RANBP2: variants seen among roughly 807,000 people sequenced by gnomAD.
The protein encoded by RANBP2 is RAN binding protein 2, also known as E3 SUMO-protein ligase RanBP2.
A neutral mutation model predicts 303.6 loss-of-function variants in RANBP2; 57 were observed. The observed-to-expected ratio is 0.19, with a 90% confidence interval of 0.15 to 0.23. The LOEUF (loss-of-function observed/expected upper bound fraction) is 0.23. Among genes scored for constraint, RANBP2 ranks in the 10% least tolerant of loss-of-function variants. The pLI, the probability that RANBP2 is intolerant of heterozygous loss-of-function variation, is 1.00. For synonymous variants in RANBP2, 1,167 were observed against 1,301.5 expected, an observed-to-expected ratio of 0.90 and a Z score of 2.23; for missense variants, 3,138 against 3,780.8, an observed-to-expected ratio of 0.83 and a Z score of 4.46.
At chr2:109,265,897 G>A in the RANBP2 span, among the ~76,000 whole-genome samples, 1 of 152,218 alleles carries the variant, frequency 6.6e-6, no homozygotes, top group Non-Finnish European at 1.5e-5. Flanking sequence ...CACCAGCTGT[G>A]CCCAGTCTGA....
At chr2:109,293,917 T>G in the RANBP2 span, among the ~76,000 whole-genome samples, 1 of 152,200 alleles carries the variant, frequency 6.6e-6, no homozygotes, top group African/African-American at 2.4e-5. Flanking sequence ...GCCCTGACTC[T>G]TTACCAATGG....
the RANBP2 span, chr2:109,449,183 A>G: frequency 1.2e-6 from 2 of 1,613,590 alleles, no homozygotes; most frequent in South Asian, 1.1e-5. Context: ...CCCACTCTGC[A>G]GCCCAGGCTC....
chr2:109,558,485 G>C, the RANBP2 span, among the ~76,000 whole-genome samples: 2 of 152,136 alleles, frequency 1.3e-5, no homozygotes, highest in Non-Finnish European at 2.9e-5. Context: ...AGATTAGTTA[G>C]GTTAATCTTT....
chr2:109,574,792 TACA>T, the RANBP2 span: 8 of 1,515,704 alleles, frequency 5.3e-6, no homozygotes, highest in Non-Finnish European at 7.1e-6. Flanking sequence ...AAATGTTTAA[TACA>T]ACATTATTTG....
At chr2:108,950,052 G>A in the RANBP2 span, among the ~76,000 whole-genome samples, 3 of 152,204 alleles carry the variant, frequency 2.0e-5, no homozygotes, top group Non-Finnish European at 2.9e-5. Context: ...CCTGGGCATG[G>A]TGCCATGGGG....
chr2:109,582,075 G>GACACACACACAC, the RANBP2 span, among the ~76,000 whole-genome samples: 8 of 143,768 alleles, frequency 5.6e-5, no homozygotes, highest in African/African-American at 2.0e-4. Flanking sequence ...ATGTACAACA[G>GACACACACACAC]ACACACACAC....
At chr2:109,157,746 T>C in the RANBP2 span, among the ~76,000 whole-genome samples, 1 of 152,198 alleles carries the variant, frequency 6.6e-6, no homozygotes, top group African/African-American at 2.4e-5. Context: ...TACAAATTTC[T>C]TGATGTCATC....
At chr2:109,172,275 G>A in the RANBP2 span, among the ~76,000 whole-genome samples, 2 of 152,210 alleles carry the variant, frequency 1.3e-5, no homozygotes, top group Admixed American at 6.5e-5. Context: ...GGCAACAGCT[G>A]CGTGTGGCCT....
chr2:109,171,883 C>G, the RANBP2 span, among the ~76,000 whole-genome samples: 2,685 of 152,374 alleles, frequency 0.018, 74 homozygotes, highest in African/African-American at 0.06. Context: ...CACTTTGAAA[C>G]TCCCATTCTG....
rs778121827 is a variant in RANBP2, at chr2:108,783,829, G to T, written c.9603G>T (p.Lys3201Asn). The T allele has an allele frequency of 4.6e-5, 75 of 1,612,978 alleles. No individual in the cohort carries two copies. Among genetic ancestry groups the T allele is most frequent in the Non-Finnish European group, 6.4e-5 (75 of 1,179,142 alleles). The change falls in exon 29 of 29, where the codon AAG becomes AAT. Residue 3201 changes from lysine to asparagine, a missense_variant. This residue lies in a region of RANBP2 where 22 missense variants were observed against 48.8 expected (regional missense o/e 0.45). Coordinates refer to ENST00000283195, the MANE Select transcript of RANBP2 (RefSeq NM_006267.5). ...AGGATGGCATGGATACTGTGAAAAAGATTGAATCATTTGGTTCTCCCAAAG... is the reference window on the plus strand; with the variant it reads ...AGGATGGCATGGATACTGTGAAAAATATTGAATCATTTGGTTCTCCCAAAG... ...FVKDGMDTVKKIESFGSPKGS... is the reference protein window; with the variant it reads ...FVKDGMDTVKNIESFGSPKGS...
chr2:109,217,885 C>T, the RANBP2 span, among the ~76,000 whole-genome samples: 3 of 152,322 alleles, frequency 2.0e-5, no homozygotes, highest in East Asian at 3.9e-4. Flanking sequence ...CTGTTGTGGC[C>T]TGGCACAAGG....
At chr2:108,860,279 A>G in the RANBP2 span, among the ~76,000 whole-genome samples, 1 of 152,110 alleles carries the variant, frequency 6.6e-6, no homozygotes, top group Non-Finnish European at 1.5e-5. Context: ...ATAGAATCCT[A>G]TTGTCAGTGA....
the RANBP2 span, among the ~76,000 whole-genome samples, chr2:108,793,355 C>A: frequency 5.3e-5 from 8 of 151,662 alleles, no homozygotes; most frequent in Admixed American, 6.6e-5. Context: ...AAAACAACAA[C>A]AAAAAAACAC....
the RANBP2 span, among the ~76,000 whole-genome samples, chr2:109,203,606 C>A: frequency 6.6e-6 from 1 of 152,172 alleles, no homozygotes; most frequent in Non-Finnish European, 1.5e-5. Flanking sequence ...TCTCCACTTT[C>A]CCTTTGCACG....
the RANBP2 span, among the ~76,000 whole-genome samples, chr2:108,849,324 T>C: frequency 6.6e-6 from 1 of 152,320 alleles, no homozygotes; most frequent in Admixed American, 6.5e-5. Context: ...TTTTGAAATA[T>C]GGTGAAAACT....
chr2:108,940,706 C>T, the RANBP2 span, among the ~76,000 whole-genome samples: 9 of 152,314 alleles, frequency 5.9e-5, no homozygotes, highest in Admixed American at 2.6e-4. Flanking sequence ...TCACACCACG[C>T]GATGACGTGG....
chr2:109,604,545 G>T, the RANBP2 span, among the ~76,000 whole-genome samples: 13 of 151,918 alleles, frequency 8.6e-5, no homozygotes, highest in South Asian at 1.2e-3. Flanking sequence ...GGCTAACATG[G>T]TGAAACCCTG....
At chr2:108,893,900 C>T in the RANBP2 span, among the ~76,000 whole-genome samples, 69 of 152,300 alleles carry the variant, frequency 4.5e-4, no homozygotes, top group Non-Finnish European at 7.9e-4. Context: ...TTCAAAAACA[C>T]GCATAGTTTA....
chr2:109,415,398 G>T, the RANBP2 span, among the ~76,000 whole-genome samples: 1 of 152,180 alleles, frequency 6.6e-6, no homozygotes, highest in Non-Finnish European at 1.5e-5. Context: ...ATTGTTCCAG[G>T]GGGAGTGCTC....
Sources: gnomAD v4.1 joint callset for allele counts (sites outside exome capture counted in the v4.1 genomes callset) on GRCh38, gnomAD v4.1.1 for gene constraint, gnomAD v4.1.1 regional missense constraint, MANE v1.5 for transcripts, NCBI Gene and HGNC (gene_info 2026-07-23, HGNC 2026-07-21) for gene names.